ZNF506: variants seen among roughly 807,000 people sequenced by gnomAD.
ZNF506 encodes zinc finger protein 506.
Under a neutral mutation model 11.6 loss-of-function variants are expected in ZNF506, and 10 were observed. The ratio of observed to expected loss-of-function variants is 0.86; its 90% CI spans 0.53 to 1.46. The LOEUF (loss-of-function observed/expected upper bound fraction) is 1.46, where lower values mean the gene tolerates loss of function less well. Ranked by LOEUF, ZNF506 falls within the 40% of genes most tolerant of loss-of-function variation. The pLI, the probability that ZNF506 is intolerant of heterozygous loss-of-function variation, is 0.00. For missense variants in ZNF506, 425 were observed against 521.2 expected (o/e 0.82, Z 1.80); for synonymous variants, 156 against 173.3 (o/e 0.90, Z 0.78).
chr19:19,801,967 G>A (rs1355257308), intron 3 of ZNF506, among the ~76,000 whole-genome samples: 1 of 151,664 alleles, frequency 6.6e-6, no homozygotes, highest in African/African-American at 2.4e-5. Context: ...ACTATGGGAG[G>A]CCGAGGCGGG....
In ZNF506 at chr19:19,803,535, G is replaced by C. The variant is rs144830027; in HGVS notation, c.226+2496C>G. Among the ~76,000 whole-genome samples, 194 of 152,260 alleles carry C rather than the reference G, an allele frequency of 1.3e-3. 1 individual carries two copies. The highest frequency in any genetic ancestry group is 4.6e-3 in the African/African-American group (191 of 41,538). ...TGCCCTATGGAGCAAAGTCCTGAAG[G>C]ATATGCAGTCTGTCCAAAAATAAAA... On this transcript the variant is annotated intron_variant, in intron 3 of 3. Coordinates refer to ENST00000540806, the MANE Select transcript of ZNF506 (RefSeq NM_001099269.3).
Position 19,795,539 on chromosome 19 carries a change from G to C in ZNF506, c.348C>G (p.Gly116=). The change falls in exon 4 of 4, where the codon GGC becomes GGG. Residue 116 remains glycine (G), a synonymous_variant. Coordinates refer to ENST00000540806, the MANE Select transcript of ZNF506 (RefSeq NM_001099269.3). ...CTGGACACTCATCTACACTTTCACA[G>C]CCTTTTTTTAACTGTAAATTGTCAT... The part of the protein sequence containing the change: ...CRHDNLQLKK[G]CESVDECPVH... 6.3e-7 allele frequency: 1 copy of C among 1,596,932 alleles called. No homozygotes were observed. Among genetic ancestry groups the C allele is most frequent in the Non-Finnish European group, 8.5e-7 (1 of 1,174,698 alleles).
intron 3 of ZNF506, chr19:19,796,984 G>A (rs1467152507): frequency 6.6e-6 from 1 of 152,158 alleles, no homozygotes; most frequent in Non-Finnish European, 1.5e-5. Context: ...TTCAGACTAT[G>A]CGAGGACAGA....
chr19:19,797,497 A>G (rs1211941053), intron 3 of ZNF506: 2 of 151,920 alleles, frequency 1.3e-5, no homozygotes, highest in African/African-American at 4.8e-5. Flanking sequence ...AAACAGGAAC[A>G]CAGACAACTA....
chr19:19,804,483 C>A (rs575192918), intron 3 of ZNF506, among the ~76,000 whole-genome samples: 1 of 152,104 alleles, frequency 6.6e-6, no homozygotes, highest in Admixed American at 6.6e-5. Flanking sequence ...ACACTGTTGG[C>A]GGGAGTGTAA....
intron 3 of ZNF506, among the ~76,000 whole-genome samples, chr19:19,805,133 C>T (rs1305933809): frequency 6.6e-6 from 1 of 151,780 alleles, no homozygotes; most frequent in Non-Finnish European, 1.5e-5. Flanking sequence ...CCAATAAATA[C>T]ACTAATTAAA....
chr19:19,802,987 T>C (rs762217921), intron 3 of ZNF506, among the ~76,000 whole-genome samples: 2 of 152,182 alleles, frequency 1.3e-5, no homozygotes, highest in Non-Finnish European at 2.9e-5. Flanking sequence ...CTGCGTTATG[T>C]AGCAAGACCC....
chr19:19,817,838 T>C (rs2062945109), intron 1 of ZNF506, among the ~76,000 whole-genome samples: 1 of 151,056 alleles, frequency 6.6e-6, no homozygotes, highest in South Asian at 2.1e-4. Context: ...GTGCTTTTTT[T>C]TTTTTTTTTT....
At chr19:19,805,960 G>T (rs2062832529) in intron 3 of ZNF506, 71 bp downstream of exon 3, 2 of 1,279,822 alleles carry the variant, frequency 1.6e-6, no homozygotes, top group Non-Finnish European at 2.2e-6. Context: ...ACATTTTAAG[G>T]ACTCGCTTTC....
chr19:19,805,779 CAG>C (rs2062830990), intron 3 of ZNF506, among the ~76,000 whole-genome samples: 1 of 151,958 alleles, frequency 6.6e-6, no homozygotes, highest in Non-Finnish European at 1.5e-5. Flanking sequence ...CTTTGGCTCT[CAG>C]TGTGAACTTG....
At chr19:19,821,039 AC>A (rs1426044106) in intron 1 of ZNF506, among the ~76,000 whole-genome samples, 11 of 152,038 alleles carry the variant, frequency 7.2e-5, no homozygotes, top group African/African-American at 2.4e-4. Flanking sequence ...AGCTGGGACT[AC>A]AGACATTTGC....
rs571945561 is a variant in ZNF506, at chr19:19,810,590, T to C, written c.4-3522A>G. 4.6e-5 allele frequency among the ~76,000 whole-genome samples: 7 copies of C among 152,068 alleles called. No individual in the cohort carries two copies. In the South Asian group the frequency reaches 1.2e-3, roughly 27 times the overall value. On this transcript the variant is annotated intron_variant, in intron 1 of 3. Coordinates refer to ENST00000540806, the MANE Select transcript of ZNF506 (RefSeq NM_001099269.3). ...AATTGTATAGAATAAAAGCTAAATATAGACAGATGGAAGAGATATAGAAGG... is the reference window on the plus strand; with the variant it reads ...AATTGTATAGAATAAAAGCTAAATACAGACAGATGGAAGAGATATAGAAGG...
chr19:19,799,446 A>G (rs1268179926), intron 3 of ZNF506: 2 of 676,478 alleles, frequency 3.0e-6, no homozygotes. Context: ...CTCTTTATAG[A>G]CCACCTGTTA....
At chr19:19,818,259 TACC>T (rs1568482019) in intron 1 of ZNF506, among the ~76,000 whole-genome samples, 1 of 152,220 alleles carries the variant, frequency 6.6e-6, no homozygotes, top group Non-Finnish European at 1.5e-5. Flanking sequence ...TTCTAGAAGG[TACC>T]ACATTTCATC....
At chr19:19,797,775 C>T (rs1392831903) in intron 3 of ZNF506, 2 of 152,060 alleles carry the variant, frequency 1.3e-5, no homozygotes, top group African/African-American at 2.4e-5. Context: ...CATTTATAAG[C>T]ATAGTCTTAT....
rs1198460225 is a variant in ZNF506 at position 19,795,602 on chromosome 19, G to A, written c.285C>T (p.Phe95=). Residue 95 remains phenylalanine, a synonymous_variant, in exon 4 of 4, where the codon TTC becomes TTT. Coordinates refer to ENST00000540806, the MANE Select transcript of ZNF506 (RefSeq NM_001099269.3). ...CATATCTTCTTAGTATCACTTTTTG[G>A]AAAGAATCTTTTATGCTCTGCTCTG... ...LWSEQSIKDS[F]QKVILRRYEK... The A allele has an allele frequency of 1.3e-6, 2 of 1,559,916 alleles. No individual in the cohort carries two copies. The highest frequency in any genetic ancestry group is 1.7e-6 in the Non-Finnish European group (2 of 1,158,884).
At chr19:19,805,027 A>AG (rs1183887027) in intron 3 of ZNF506, among the ~76,000 whole-genome samples, 1 of 152,180 alleles carries the variant, frequency 6.6e-6, no homozygotes, top group Non-Finnish European at 1.5e-5. Flanking sequence ...GCACATGTAT[A>AG]CCTATGTAAC....
chr19:19,819,505 T>A (rs534680615), intron 1 of ZNF506, among the ~76,000 whole-genome samples: 1 of 152,156 alleles, frequency 6.6e-6, no homozygotes, highest in Admixed American at 6.5e-5. Flanking sequence ...GAGCTAACAG[T>A]CACTAGACAC....
chr19:19,801,837 C>T (rs2062796329), intron 3 of ZNF506, among the ~76,000 whole-genome samples: 1 of 151,092 alleles, frequency 6.6e-6, no homozygotes, highest in African/African-American at 2.4e-5. Flanking sequence ...TAATGTGGAA[C>T]TTCAAAACAA....
Sources: allele counts gnomAD v4.1 joint callset (sites outside exome capture counted in the v4.1 genomes callset), GRCh38; gene constraint gnomAD v4.1.1; transcripts MANE v1.5; gene names NCBI Gene and HGNC (gene_info 2026-07-23, HGNC 2026-07-21).